Variants in DNAH6 observed in about 807,000 individuals in gnomAD.
DNAH6 encodes axonemal beta dynein heavy chain 6.
Under a neutral mutation model 491.4 loss-of-function variants are expected in DNAH6, and 340 were observed. That is an observed-to-expected ratio of 0.69 (90% CI 0.63 to 0.76). DNAH6 has a LOEUF of 0.76. Among genes scored for constraint, DNAH6 ranks in the 30% least tolerant of loss-of-function variants. The pLI, the probability that DNAH6 is intolerant of heterozygous loss-of-function variation, is 0.00. For missense variants in DNAH6, 4,443 were observed against 4,972.2 expected, an observed-to-expected ratio of 0.89 and a Z score of 3.20; for synonymous variants, 1,603 against 1,686.1, an observed-to-expected ratio of 0.95 and a Z score of 1.21.
At chr2:84,786,092 G>GAGAA (rs561934578) in intron 67 of DNAH6, among the ~76,000 whole-genome samples, 7,548 of 143,934 alleles carry the variant, frequency 0.052, 252 homozygotes, top group African/African-American at 0.1. Flanking sequence ...GTGGTCTACA[G>GAGAA]AGAAAGAAAG....
chr2:84,740,409 C>A (rs145064391), intron 62 of DNAH6, among the ~76,000 whole-genome samples: 419 of 152,232 alleles, frequency 2.8e-3, no homozygotes, highest in African/African-American at 9.8e-3. Flanking sequence ...ACCCGCATTC[C>A]CCAGACTCCA....
Position 84,552,899 on chromosome 2 carries a change from G to A in DNAH6, c.1486-19G>A, listed in dbSNP as rs1439740487. 3 of 1,467,234 alleles carry A rather than the reference G, an allele frequency of 2.0e-6. No individual in the cohort carries two copies. The highest frequency in any genetic ancestry group is 1.8e-5 in the Admixed American group (1 of 57,012). 90.9% of individuals were successfully genotyped at this position (1,467,234 alleles called of 1,614,324 possible). A position where few individuals can be genotyped will look rare whatever the true frequency, so the allele number is the denominator to read the frequency against. ...TTGATACTTGTGTCTTTATAACACT[G>A]TACATATATTCATTTCAGGGGACCC... is the stretch of plus-strand genomic sequence containing the variant. On this transcript the variant is annotated intron_variant, in intron 9 of 76. Transcript: ENST00000389394.
chr2:84,774,882 G>T (rs1675978246), intron 64 of DNAH6, among the ~76,000 whole-genome samples: 1 of 152,078 alleles, frequency 6.6e-6, no homozygotes. Flanking sequence ...TTTGTGCATT[G>T]ATTTTATATC....
intron 29 of DNAH6, among the ~76,000 whole-genome samples, chr2:84,631,982 A>C (rs1209375398): frequency 6.6e-6 from 1 of 152,124 alleles, no homozygotes; most frequent in Non-Finnish European, 1.5e-5. Context: ...TTCCCCACAG[A>C]GTGTGGTCTC....
At chr2:84,647,240 G>T (rs1460147472) in intron 33 of DNAH6, among the ~76,000 whole-genome samples, 1 of 152,206 alleles carries the variant, frequency 6.6e-6, no homozygotes, top group Non-Finnish European at 1.5e-5. Flanking sequence ...TCTTCATGAA[G>T]TTGAAGCAAA....
chr2:84,758,601 C>G (rs1674275237), intron 63 of DNAH6, among the ~76,000 whole-genome samples: 1 of 152,058 alleles, frequency 6.6e-6, no homozygotes, highest in African/African-American at 2.4e-5. Flanking sequence ...AAGACAATAT[C>G]AAGTGGGTTT....
At chr2:84,756,063 A>G (rs1408231257) in intron 63 of DNAH6, among the ~76,000 whole-genome samples, 6 of 152,214 alleles carry the variant, frequency 3.9e-5, no homozygotes, top group Non-Finnish European at 8.8e-5. Flanking sequence ...TGTAAGTCCA[A>G]TTAAACCTCT....
intron 11 of DNAH6, among the ~76,000 whole-genome samples, chr2:84,566,006 C>T (rs1159229959): frequency 1.3e-5 from 2 of 151,938 alleles, no homozygotes; most frequent in African/African-American, 2.4e-5. Context: ...AGATGGTTCT[C>T]TTGAAGACAG....
chr2:84,558,135 C>T (rs1680249505), intron 11 of DNAH6, among the ~76,000 whole-genome samples, 200 bp downstream of exon 11: 1 of 151,936 alleles, frequency 6.6e-6, no homozygotes, highest in Non-Finnish European at 1.5e-5. Flanking sequence ...TTTTTAAAAG[C>T]ATTAAAATAG....
Position 84,703,459 on chromosome 2 carries a change from T to C in DNAH6, c.8126T>C (p.Met2709Thr), listed in dbSNP as rs758296746. Reference sequence around the variant, plus strand: ...GAAACAAACATACTAGTAGATAAAATGAAACTAGATCTTTCAGCTTTAGAG... The same window carrying C: ...GAAACAAACATACTAGTAGATAAAACGAAACTAGATCTTTCAGCTTTAGAG... ...LLETNILVDK[M>T]KLDLSALEPV... is the part of the protein sequence containing the mutation. The change falls in exon 50 of 77, where the codon ATG (methionine) becomes ACG (threonine). Residue 2709 changes from methionine to threonine, a missense_variant. Met to Thr is a moderately conservative substitution (Grantham distance 81). Around this residue, in one of 3 missense-constraint regions of DNAH6, gnomAD observed 2,977 missense variants for 3,296.6 expected, o/e 0.90. Transcript: ENST00000389394. 14 of 1,550,072 alleles carry C rather than the reference T, an allele frequency of 9.0e-6. No individual in the cohort carries two copies. Among genetic ancestry groups the C allele is most frequent in the Non-Finnish European group, 1.2e-5 (14 of 1,146,118 alleles).
At chr2:84,598,791 G>A (rs931020976) in intron 18 of DNAH6, among the ~76,000 whole-genome samples, 91 of 152,182 alleles carry the variant, frequency 6.0e-4, no homozygotes, top group African/African-American at 2.1e-3. Context: ...CAGCACTTTG[G>A]GAGGCCGAGG....
At chr2:84,550,088 T>G in intron 9 of DNAH6, 31 bp downstream of exon 9, 1 of 1,566,840 alleles carries the variant, frequency 6.4e-7, no homozygotes, top group Non-Finnish European at 8.8e-7. Context: ...GAATATTTTA[T>G]TGGTCAGCAT....
the DNAH6 span, among the ~76,000 whole-genome samples, chr2:84,473,010 A>G: frequency 6.6e-6 from 1 of 152,198 alleles, no homozygotes; most frequent in Non-Finnish European, 1.5e-5. Context: ...CTTTGAGCAG[A>G]AGCAAAGTCA....
At chr2:84,474,513 A>G in the DNAH6 span, among the ~76,000 whole-genome samples, 1 of 152,166 alleles carries the variant, frequency 6.6e-6, no homozygotes, top group Non-Finnish European at 1.5e-5. Flanking sequence ...GGCCATTTTT[A>G]TCTTTTCCTA....
At chr2:84,524,419 A>G (rs1475238727) in intron 2 of DNAH6, among the ~76,000 whole-genome samples, 1 of 151,520 alleles carries the variant, frequency 6.6e-6, no homozygotes, top group Non-Finnish European at 1.5e-5. Context: ...CAAACAGGTT[A>G]TTTAGCCCAT....
Position 84,785,886 on chromosome 2 carries a change from A to G in DNAH6, c.11100+130A>G, listed in dbSNP as rs773913039. ...AGGCCCCATTCTGTGTCTGAACCCA[A>G]GTTGTTTTCATTCAATCTCTATACT... On this transcript the variant is annotated intron_variant, in intron 67 of 76. Transcript: ENST00000389394. 9 of 967,536 alleles carry G rather than the reference A, an allele frequency of 9.3e-6. No homozygotes were observed. The Admixed American group carries it at 2.0e-4, about 21-fold the overall frequency. The allele number at this position is 967,536 out of a possible 1,614,324, so 59.9% of individuals were successfully genotyped here. A position where few individuals can be genotyped will look rare whatever the true frequency, so the allele number is the denominator to read the frequency against.
intron 64 of DNAH6, among the ~76,000 whole-genome samples, chr2:84,771,962 T>C (rs1675666349): frequency 6.6e-6 from 1 of 152,212 alleles, no homozygotes; most frequent in African/African-American, 2.4e-5. Context: ...TTATAATTTC[T>C]CTTTTCATTT....
chr2:84,771,000 A>C (rs1232784852), intron 64 of DNAH6, among the ~76,000 whole-genome samples: 1 of 150,826 alleles, frequency 6.6e-6, no homozygotes, highest in Non-Finnish European at 1.5e-5. Context: ...AAAAAAAAAA[A>C]AATGGGGGCC....
At chr2:84,469,923 T>G in the DNAH6 span, among the ~76,000 whole-genome samples, 2 of 151,990 alleles carry the variant, frequency 1.3e-5, no homozygotes, top group Non-Finnish European at 2.9e-5. This position sits in a 1 kb window ranked among gnomAD's most constrained non-coding sequence, Gnocchi z 4.0. Context: ...CCTCATAAGT[T>G]GGGCCTTTAA....
Sources: gnomAD v4.1 joint callset for allele counts (sites outside exome capture counted in the v4.1 genomes callset) on GRCh38, gnomAD v4.1.1 for gene constraint, gnomAD v4.1.1 regional missense constraint, Gnocchi (gnomAD v3.1) non-coding constraint, MANE v1.5 for transcripts, NCBI Gene and HGNC (gene_info 2026-07-23, HGNC 2026-07-21) for gene names.